The following DMD variants were observed in gnomAD, a reference collection of about 807,000 sequenced individuals.
The protein encoded by DMD is dystrophin.
Under a neutral mutation model 330.1 loss-of-function variants are expected in DMD, and 63 were observed. The ratio of observed to expected loss-of-function variants is 0.19; its 90% CI spans 0.16 to 0.24. The LOEUF (loss-of-function observed/expected upper bound fraction) is 0.24, where lower values mean the gene tolerates loss of function less well. Among genes scored for constraint, DMD ranks in the 10% least tolerant of loss-of-function variants. DMD has a pLI of 1.00. For synonymous variants in DMD, 1,223 were observed against 959.8 expected, an observed-to-expected ratio of 1.27 and a Z score of -5.07; for missense variants, 3,344 against 2,684.1, an observed-to-expected ratio of 1.25 and a Z score of -5.43.
intron 48 of DMD, among the ~76,000 whole-genome samples, chrX:31,853,861 G>A (rs2093570806): frequency 8.9e-6 from 1 of 112,008 alleles, no homozygotes; most frequent in African/African-American, 3.2e-5. Flanking sequence ...GAGGACCTTG[G>A]AAACTATGTT....
At chrX:32,509,947 G>T (rs1045614368) in intron 18 of DMD, among the ~76,000 whole-genome samples, 8 of 111,341 alleles carry the variant, frequency 7.2e-5, no homozygotes, top group African/African-American at 2.6e-4. Context: ...TCAAAACATA[G>T]CCAGAAAGTG....
intron 1 of DMD, among the ~76,000 whole-genome samples, chrX:33,301,363 A>T (rs2053658692): frequency 9.5e-6 from 1 of 105,560 alleles, no homozygotes; most frequent in African/African-American, 3.4e-5. Context: ...TAATGCTTAG[A>T]AATTATACTT....
chrX:32,475,372 T>G (rs1370093327), intron 21 of DMD, among the ~76,000 whole-genome samples: 3 of 111,400 alleles, frequency 2.7e-5, no homozygotes, highest in Non-Finnish European at 5.7e-5. Flanking sequence ...TTTAGAATTT[T>G]TTTTCTAATT....
chrX:32,634,613 G>T (rs753608505), intron 11 of DMD, among the ~76,000 whole-genome samples: 4 of 111,966 alleles, frequency 3.6e-5, no homozygotes, highest in East Asian at 5.6e-4. Flanking sequence ...CTGGCCCAGG[G>T]TGTGTTCAGA....
chrX:32,476,682 T>G (rs2041269289), intron 21 of DMD, among the ~76,000 whole-genome samples: 1 of 111,379 alleles, frequency 9.0e-6, no homozygotes, highest in African/African-American at 3.3e-5. Flanking sequence ...GGAATGCCAG[T>G]GAAGAATTCT....
At position 32,546,856 on chromosome X, in the gene DMD, C is replaced by T. The variant is rs1020764116; in HGVS notation, c.1993-1522G>A. Among the ~76,000 whole-genome samples, 2 of 111,461 alleles carry T rather than the reference C, an allele frequency of 1.8e-5. 1 individual carries two copies. The highest frequency in any genetic ancestry group is 3.8e-5 in the Non-Finnish European group (2 of 52,976). ...GAAAGCAACATAGCTCTAAAAAAAG[C>T]TTAAAATATAAACTCAAACATTGCA... On this transcript the variant is annotated intron_variant, in intron 16 of 78. Transcript: ENST00000357033.
At chrX:33,179,563 G>A (rs1005318546) in intron 1 of DMD, among the ~76,000 whole-genome samples, 6 of 108,395 alleles carry the variant, frequency 5.5e-5, no homozygotes, top group Non-Finnish European at 9.6e-5. Context: ...GCGTGGTGGC[G>A]GGCGCCTGTA....
chrX:31,266,091 T>C (rs1335629403), intron 62 of DMD, among the ~76,000 whole-genome samples: 2 of 92,917 alleles, frequency 2.2e-5, no homozygotes. Context: ...TGCTTGAAGA[T>C]GAGCACAGAC....
intron 63 of DMD, among the ~76,000 whole-genome samples, chrX:31,227,541 C>G (rs1452051158): frequency 9.0e-6 from 1 of 111,523 alleles, no homozygotes; most frequent in Non-Finnish European, 1.9e-5. Context: ...GGGAATGCCT[C>G]CAGCTTTGTT....
chrX:33,033,691 C>T (rs10449061), intron 1 of DMD, among the ~76,000 whole-genome samples: 10,690 of 109,159 alleles, frequency 0.098, 542 homozygotes, highest in East Asian at 0.41. Context: ...GCACTCCAGC[C>T]TGGGCGACAG....
chrX:32,961,222 G>C (rs1484582708), intron 2 of DMD, among the ~76,000 whole-genome samples: 1 of 111,114 alleles, frequency 9.0e-6, no homozygotes. Context: ...TTTATTTCCT[G>C]CATTAGTCAA....
At chrX:32,454,342 C>A (rs942461517) in intron 26 of DMD, among the ~76,000 whole-genome samples, 1 of 110,993 alleles carries the variant, frequency 9.0e-6, no homozygotes. Flanking sequence ...ACAGTTTCAA[C>A]GTACATTTAC....
At chrX:31,698,749 AAATAGAG>A (rs2148852296) in intron 52 of DMD, among the ~76,000 whole-genome samples, 1 of 111,867 alleles carries the variant, frequency 8.9e-6, no homozygotes, top group African/African-American at 3.2e-5. Flanking sequence ...GTTGTTTTAC[AAATAGAG>A]AATAAAGTAT....
At chrX:32,974,701 C>T (rs1468306777) in intron 2 of DMD, among the ~76,000 whole-genome samples, 6 of 111,200 alleles carry the variant, frequency 5.4e-5, no homozygotes, top group Admixed American at 3.9e-4. Context: ...TCCCAATTCC[C>T]GAGTGATTCA....
At chrX:31,149,022 T>G (rs1456197897) in intron 74 of DMD, among the ~76,000 whole-genome samples, 1 of 112,494 alleles carries the variant, frequency 8.9e-6, no homozygotes, top group African/African-American at 3.2e-5. Context: ...AACATATCCC[T>G]GTATGTTCTC....
intron 48 of DMD, among the ~76,000 whole-genome samples, chrX:31,857,375 C>T (rs113408526): frequency 0.16 from 10,176 of 64,753 alleles, 651 homozygotes; most frequent in Admixed American, 0.3. Context: ...CAAGACTCCA[C>T]CTCGGAAAAA....
chrX:33,031,302 C>T (rs867316370), intron 1 of DMD, among the ~76,000 whole-genome samples: 1 of 63,271 alleles, frequency 1.6e-5, no homozygotes, highest in Non-Finnish European at 3.4e-5. Context: ...TTAAAAAGGA[C>T]AAAAAAAAAA....
At chrX:31,244,478 TTGTTAG>T (rs2048646263) in intron 63 of DMD, among the ~76,000 whole-genome samples, 1 of 112,145 alleles carries the variant, frequency 8.9e-6, no homozygotes, top group African/African-American at 3.2e-5. Context: ...TCTCAGAAGC[TTGTTAG>T]TAATAAGCCT....
At chrX:32,869,336 C>A (rs1481035364) in intron 2 of DMD, among the ~76,000 whole-genome samples, 1 of 110,829 alleles carries the variant, frequency 9.0e-6, no homozygotes, top group Non-Finnish European at 1.9e-5. Flanking sequence ...AGCCAGAGTG[C>A]CTCTTCTCCT....
Sources: allele counts gnomAD v4.1 joint callset (sites outside exome capture counted in the v4.1 genomes callset), GRCh38; gene constraint gnomAD v4.1.1; transcripts MANE v1.5; gene names NCBI Gene and HGNC (gene_info 2026-07-23, HGNC 2026-07-21).